Variants in COBL observed in about 807,000 individuals in gnomAD.
The protein encoded by COBL is cordon-bleu WH2 repeat protein.
Under a neutral mutation model 98.8 loss-of-function variants are expected in COBL, and 51 were observed. The observed-to-expected ratio is 0.52, with a 90% CI of 0.41 to 0.65. The LOEUF (loss-of-function observed/expected upper bound fraction) is 0.65. Among genes scored for constraint, COBL ranks in the 30% least tolerant of loss-of-function variants. The pLI is 0.00. For synonymous variants in COBL, 634 were observed against 651.7 expected (o/e 0.97, Z 0.41); for missense variants, 1,617 against 1,617.5 (o/e 1.00, Z 0.01).
intron 6 of COBL, among the ~76,000 whole-genome samples, chr7:51,133,933 T>G (rs546372806): frequency 6.6e-6 from 1 of 152,114 alleles, no homozygotes; most frequent in South Asian, 2.1e-4. Context: ...AATATTGAAT[T>G]TTTTAAACTA....
intron 1 of COBL, 21 bp downstream of exon 1, chr7:51,316,571 GC>G: frequency 1.7e-6 from 2 of 1,207,316 alleles, no homozygotes; most frequent in East Asian, 3.4e-5. Flanking sequence ...TCTCCACCCC[GC>G]CCGACCGCGG....
At chr7:51,214,531 C>T (rs775070054) in intron 2 of COBL, among the ~76,000 whole-genome samples, 4 of 152,082 alleles carry the variant, frequency 2.6e-5, no homozygotes, top group Non-Finnish European at 4.4e-5. Flanking sequence ...TAATTCTGAT[C>T]TCCTCATTTT....
intron 1 of COBL, among the ~76,000 whole-genome samples, chr7:51,315,507 C>T (rs1251337473): frequency 6.6e-6 from 1 of 152,234 alleles, no homozygotes; most frequent in Non-Finnish European, 1.5e-5. Context: ...AAAGCTGCCT[C>T]CTTCAAGTCC....
At chr7:51,307,843 G>A (rs1778252217) in intron 1 of COBL, among the ~76,000 whole-genome samples, 2 of 152,226 alleles carry the variant, frequency 1.3e-5, no homozygotes, top group Admixed American at 6.5e-5. Flanking sequence ...AAAACATTCA[G>A]ACTTCATCAC....
Position 51,191,022 on chromosome 7 carries a change from C to T in COBL, c.513G>A (p.Val171=). ...YLRTQKAVVR[V]SPEVPLQNIL... ...TATTCTGGAGAGGAACCTCAGGGCT[C>T]ACACGCACAACAGCTTTTTGTGTCC... Residue 171 remains valine, a synonymous_variant, in exon 4 of 13, where the codon GTG becomes GTA. Transcript: ENST00000265136. 1 of 1,614,202 alleles carries T rather than the reference C, an allele frequency of 6.2e-7. No homozygotes were observed. Among genetic ancestry groups the T allele is most frequent in the Non-Finnish European group, 8.5e-7 (1 of 1,180,030 alleles).
chr7:51,203,449 G>A (rs1251660992), intron 2 of COBL, among the ~76,000 whole-genome samples: 9 of 88,552 alleles, frequency 1.0e-4, no homozygotes, highest in Non-Finnish European at 1.8e-4. Context: ...GCGACAGAGC[G>A]AGACTCCGTC....
At chr7:51,149,572 T>C (rs1785361808) in intron 5 of COBL, among the ~76,000 whole-genome samples, 1 of 152,224 alleles carries the variant, frequency 6.6e-6, no homozygotes, top group Admixed American at 6.5e-5. Context: ...AGTTCCAAAT[T>C]TATTATTTCA....
At chr7:51,295,979 C>G (rs1178164732) in intron 1 of COBL, among the ~76,000 whole-genome samples, 1 of 152,206 alleles carries the variant, frequency 6.6e-6, no homozygotes, top group African/African-American at 2.4e-5. Flanking sequence ...TATTTAAGAA[C>G]TGCTTCAGCA....
chr7:51,302,495 C>T (rs1358485450), intron 1 of COBL, among the ~76,000 whole-genome samples: 1 of 150,736 alleles, frequency 6.6e-6, no homozygotes, highest in Non-Finnish European at 1.5e-5. Context: ...GCAGGAGAAT[C>T]GCTTGAACCC....
chr7:51,027,995 C>A lies in COBL; in HGVS notation c.3101G>T (p.Arg1034Met). The change falls in exon 10 of 13, where the codon AGG becomes ATG. Residue 1034 changes from arginine (R) to methionine (M), a missense_variant. Coordinates refer to ENST00000265136, the MANE Select transcript of COBL (RefSeq NM_015198.5). Reference protein sequence around the residue: ...PHTSDTQACSRELVNGSVRAP... With the variant: ...PHTSDTQACSMELVNGSVRAP... ...GCGCACAGAGCCATTGACCAGCTCC[C>A]TGCTGCAGGCCTGAGTGTCAGATGT... is the stretch of plus-strand genomic sequence containing the variant. 6.2e-7 allele frequency: 1 copy of A among 1,603,352 alleles called. No individual in the cohort carries two copies. Among genetic ancestry groups the A allele is most frequent in the Non-Finnish European group, 8.5e-7 (1 of 1,174,192 alleles).
intron 6 of COBL, among the ~76,000 whole-genome samples, chr7:51,096,531 A>T (rs1423623851): frequency 6.6e-6 from 1 of 152,102 alleles, no homozygotes; most frequent in African/African-American, 2.4e-5. Flanking sequence ...AAATAGAAAA[A>T]GGAAAAAAGA....
intron 12 of COBL, among the ~76,000 whole-genome samples, chr7:51,019,120 G>A (rs1383353388): frequency 2.0e-5 from 3 of 151,108 alleles, no homozygotes; most frequent in African/African-American, 7.3e-5. Context: ...TTTCCTGAGG[G>A]CCCCACTTAT....
chr7:51,232,971 T>C (rs1485635687), intron 1 of COBL, among the ~76,000 whole-genome samples: 1 of 152,206 alleles, frequency 6.6e-6, no homozygotes, highest in African/African-American at 2.4e-5. Context: ...CATTAAATCG[T>C]AGATAACTAT....
intron 1 of COBL, among the ~76,000 whole-genome samples, chr7:51,275,864 C>T (rs1325069498): frequency 1.3e-5 from 2 of 152,182 alleles, no homozygotes; most frequent in Non-Finnish European, 2.9e-5. Context: ...GGGCTGTAGG[C>T]CTCTCTCTCC....
chr7:51,309,168 C>A (rs7809273), intron 1 of COBL, among the ~76,000 whole-genome samples: 7,598 of 152,190 alleles, frequency 0.05, 424 homozygotes, highest in African/African-American at 0.13. Flanking sequence ...CCCCTGCCTC[C>A]AAGCTGCCCT....
intron 5 of COBL, among the ~76,000 whole-genome samples, chr7:51,136,809 T>C (rs1799280281): frequency 3.9e-5 from 6 of 152,206 alleles, no homozygotes; most frequent in Admixed American, 3.3e-4. Flanking sequence ...ATGTTTCTTC[T>C]AATTTTCAGA....
chr7:51,312,761 T>C (rs1244100529), intron 1 of COBL, among the ~76,000 whole-genome samples: 4 of 152,160 alleles, frequency 2.6e-5, no homozygotes, highest in Non-Finnish European at 5.9e-5. Context: ...ACCTGTGCAC[T>C]GGAGGTCACG....
At chr7:51,248,068 G>A (rs146833687) in intron 1 of COBL, among the ~76,000 whole-genome samples, 1,639 of 152,106 alleles carry the variant, frequency 0.011, 24 homozygotes, top group African/African-American at 0.037. Context: ...GAGTCAGGGA[G>A]GGGGAGGCTG....
intron 5 of COBL, among the ~76,000 whole-genome samples, chr7:51,175,123 T>C (rs1163712656): frequency 6.6e-6 from 1 of 152,264 alleles, no homozygotes; most frequent in Non-Finnish European, 1.5e-5. Context: ...ATCTTTGCCT[T>C]GCAGGCAAGT....
Sources: allele counts gnomAD v4.1 joint callset (sites outside exome capture counted in the v4.1 genomes callset), GRCh38; gene constraint gnomAD v4.1.1; transcripts MANE v1.5; gene names NCBI Gene and HGNC (gene_info 2026-07-23, HGNC 2026-07-21).